SLC8A1: variants seen among roughly 807,000 people sequenced by gnomAD.
SLC8A1 encodes sodium/calcium exchanger 1.
A neutral mutation model predicts 68.3 loss-of-function variants in SLC8A1; 18 were observed. That is an observed-to-expected ratio of 0.26 (90% confidence interval 0.18 to 0.39). The LOEUF (loss-of-function observed/expected upper bound fraction) is 0.39, where lower values mean the gene tolerates loss of function less well. Among genes scored for constraint, SLC8A1 ranks in the 10% least tolerant of loss-of-function variants. SLC8A1 has a pLI of 1.00. For synonymous variants in SLC8A1, 475 were observed against 415.5 expected, an observed-to-expected ratio of 1.14 and a Z score of -1.74; for missense variants, 985 against 1,156.7, an observed-to-expected ratio of 0.85 and a Z score of 2.15.
In SLC8A1 at chr2:40,242,916, T is replaced by A. The variant is rs140990936; in HGVS notation, c.1809-65061A>T. On this transcript the variant is annotated intron_variant, in intron 2 of 7. Transcript: ENST00000406785. ...GTCTCCATTTTTATAAAAGCAAAGT[T>A]AATGAGGCTTTGATCTTTATTCCAT... Among the ~76,000 whole-genome samples, 331 of 152,228 alleles carry A rather than the reference T, an allele frequency of 2.2e-3. 2 individuals are homozygous for A. The highest frequency in any genetic ancestry group is 3.9e-3 in the Non-Finnish European group (263 of 68,024).
At chr2:40,503,486 G>T (rs1706175181) in intron 1 of SLC8A1, among the ~76,000 whole-genome samples, 1 of 151,928 alleles carries the variant, frequency 6.6e-6, no homozygotes, top group African/African-American at 2.4e-5. Context: ...GGATATAAAG[G>T]GCATCCATAT....
At chr2:40,162,085 A>C (rs887916072) in intron 5 of SLC8A1, among the ~76,000 whole-genome samples, 3 of 152,198 alleles carry the variant, frequency 2.0e-5, no homozygotes, top group African/African-American at 7.2e-5. Flanking sequence ...CCCATCTCCA[A>C]CTGGCTCACT....
At chr2:40,301,068 G>C (rs1225885569) in intron 2 of SLC8A1, among the ~76,000 whole-genome samples, 1 of 152,086 alleles carries the variant, frequency 6.6e-6, no homozygotes, top group African/African-American at 2.4e-5. Flanking sequence ...GAAGTTCAGA[G>C]GGCTGAAGAT....
In SLC8A1 at chr2:40,113,173, C is replaced by T. The variant is rs549270796; in HGVS notation, c.*2080G>A. On this transcript the variant is annotated 3_prime_UTR_variant, in exon 8 of 8. Coordinates refer to ENST00000406785, the Ensembl canonical transcript of SLC8A1. ...GGTAACCAGCATTTAATTACTCATT[C>T]AGTCACCAAATGTTTATTAAATGAG... is the stretch of plus-strand genomic sequence containing the variant. 298 of 152,332 alleles carry T rather than the reference C, an allele frequency of 2.0e-3. 3 individuals carry two copies. The South Asian group carries it at 0.031, about 16-fold the overall frequency. 9.4% of individuals were successfully genotyped at this position (152,332 alleles called of 1,614,324 possible). A position where few individuals can be genotyped will look rare whatever the true frequency, so the allele number is the denominator to read the frequency against.
At chr2:40,326,804 T>C (rs1374966186) in intron 2 of SLC8A1, among the ~76,000 whole-genome samples, 2 of 152,182 alleles carry the variant, frequency 1.3e-5, no homozygotes, top group Non-Finnish European at 2.9e-5. Context: ...AAGTATTCTC[T>C]TAATCTAATC....
chr2:40,247,759 C>T (rs928056666), intron 2 of SLC8A1, among the ~76,000 whole-genome samples: 3 of 152,018 alleles, frequency 2.0e-5, no homozygotes, highest in Non-Finnish European at 4.4e-5. Context: ...AGGGATTATC[C>T]CTGGAAGCCC....
chr2:40,283,675 T>G (rs921469588), intron 2 of SLC8A1, among the ~76,000 whole-genome samples: 8 of 152,184 alleles, frequency 5.3e-5, no homozygotes, highest in Non-Finnish European at 1.0e-4. Context: ...AAGTCAGAGC[T>G]CCATGCTCTT....
intron 2 of SLC8A1, among the ~76,000 whole-genome samples, chr2:40,371,592 T>A (rs1678093994): frequency 6.6e-6 from 1 of 152,142 alleles, no homozygotes; most frequent in Non-Finnish European, 1.5e-5. Context: ...CAATACATAG[T>A]CAACTTGCAC....
intron 6 of SLC8A1, among the ~76,000 whole-genome samples, chr2:40,152,976 T>A (rs2043737671): frequency 6.6e-6 from 1 of 152,122 alleles, no homozygotes; most frequent in African/African-American, 2.4e-5. Context: ...CCATCTTTTT[T>A]AAAAAAATAG....
chr2:40,159,751 C>CA (rs2045326167), intron 6 of SLC8A1, among the ~76,000 whole-genome samples: 1 of 152,164 alleles, frequency 6.6e-6, no homozygotes, highest in East Asian at 1.9e-4. Flanking sequence ...TATTCAATTG[C>CA]AAAAAACCAA....
intron 2 of SLC8A1, among the ~76,000 whole-genome samples, chr2:40,344,243 T>C (rs1668552219): frequency 6.6e-6 from 1 of 152,198 alleles, no homozygotes; most frequent in South Asian, 2.1e-4. Flanking sequence ...TCCTTTCTCC[T>C]GAGACAATGC....
At chr2:40,295,105 A>T (rs909549504) in intron 2 of SLC8A1, among the ~76,000 whole-genome samples, 20 of 147,100 alleles carry the variant, frequency 1.4e-4, no homozygotes, top group Admixed American at 2.7e-4. Flanking sequence ...AACAATTATT[A>T]TTTTTTTTTT....
intron 2 of SLC8A1, among the ~76,000 whole-genome samples, chr2:40,423,971 G>A (rs537252197): frequency 5.3e-5 from 8 of 152,056 alleles, no homozygotes; most frequent in African/African-American, 1.9e-4. Flanking sequence ...CCATTCAAAT[G>A]CTAGTTATTC....
At chr2:40,369,178 T>C (rs1212051527) in intron 2 of SLC8A1, among the ~76,000 whole-genome samples, 2 of 151,890 alleles carry the variant, frequency 1.3e-5, no homozygotes, top group Admixed American at 6.6e-5. Context: ...AAAGCAAAAA[T>C]TGACAAATGG....
At position 40,170,351 on chromosome 2, in the gene SLC8A1, T is replaced by G. The variant is rs2047256521; in HGVS notation, c.1930+4474A>C. The stretch of plus-strand genomic sequence containing the variant: ...GAACCTTCCTGAAGACAGGTTGGCC[T>G]AGCAAAAGGACAGGCAGAAAAATCA... On this transcript the variant is annotated intron_variant, in intron 4 of 7. Coordinates refer to ENST00000406785, the Ensembl canonical transcript of SLC8A1. 6.2e-7 allele frequency: 1 copy of G among 1,613,808 alleles called. No homozygotes were observed. Among genetic ancestry groups the G allele is most frequent in the Non-Finnish European group, 8.5e-7 (1 of 1,179,800 alleles).
At chr2:40,452,531 G>A (rs1702687955), upstream of SLC8A1, among the ~76,000 whole-genome samples, 1 of 152,140 alleles carries the variant, frequency 6.6e-6, no homozygotes, top group Admixed American at 6.5e-5. Flanking sequence ...TCCGCAGACA[G>A]AACCCTGACC....
At chr2:40,218,940 C>CT (rs1280340784) in intron 2 of SLC8A1, among the ~76,000 whole-genome samples, 1 of 151,990 alleles carries the variant, frequency 6.6e-6, no homozygotes, top group African/African-American at 2.4e-5. Context: ...CTTTTTTTAA[C>CT]TTACACTAAA....
intron 7 of SLC8A1, among the ~76,000 whole-genome samples, chr2:40,121,796 T>G (rs2036887066): frequency 6.6e-6 from 1 of 152,228 alleles, no homozygotes; most frequent in South Asian, 2.1e-4. Context: ...GATTCTATAC[T>G]TTTAAGGAGT....
At chr2:40,243,244 G>A (rs1397481259) in intron 2 of SLC8A1, among the ~76,000 whole-genome samples, 1 of 152,148 alleles carries the variant, frequency 6.6e-6, no homozygotes, top group Non-Finnish European at 1.5e-5. Flanking sequence ...CACTCTGGGA[G>A]GCCAAAGTGG....
Sources: gnomAD v4.1 joint callset for allele counts (sites outside exome capture counted in the v4.1 genomes callset) on GRCh38, gnomAD v4.1.1 for gene constraint, MANE v1.5 for transcripts, NCBI Gene and HGNC (gene_info 2026-07-23, HGNC 2026-07-21) for gene names.